ZNF423: variants seen among roughly 807,000 people sequenced by gnomAD.
ZNF423 encodes the protein zinc finger protein 423.
A neutral mutation model predicts 95.8 loss-of-function variants in ZNF423; 12 were observed. The observed-to-expected ratio is 0.13, with a 90% CI of 0.08 to 0.20. ZNF423 has a LOEUF of 0.20. Ranked by LOEUF, ZNF423 falls within the 10% of genes least tolerant of loss-of-function variation. The pLI, the probability that ZNF423 is intolerant of heterozygous loss-of-function variation, is 1.00. For missense variants in ZNF423, 1,316 were observed against 1,737.1 expected (o/e 0.76, Z 4.31); for synonymous variants, 749 against 711.9 (o/e 1.05, Z -0.83).
intron 1 of ZNF423, among the ~76,000 whole-genome samples, chr16:49,815,881 A>AAAATATATAT (rs1185501557): frequency 4.2e-5 from 2 of 47,586 alleles, no homozygotes; most frequent in African/African-American, 9.9e-5. Context: ...AAAAAAAAAA[A>AAAATATATAT]ATATATATAT....
At chr16:49,750,075 T>G (rs2143562590) in intron 2 of ZNF423, among the ~76,000 whole-genome samples, 1 of 152,340 alleles carries the variant, frequency 6.6e-6, no homozygotes, top group Middle Eastern at 3.4e-3. Flanking sequence ...AGCCCATCTC[T>G]GGCTGTCACT....
intron 5 of ZNF423, among the ~76,000 whole-genome samples, chr16:49,580,796 TGCTTCCAACGAGCAGGCA>T (rs1970646359): frequency 6.6e-6 from 1 of 152,108 alleles, no homozygotes; most frequent in Admixed American, 6.5e-5. Context: ...AATAAAATCT[TGCTTCCAACGAGCAGGCA>T]GCGGAGAACG....
At chr16:49,502,790 G>GACAC (rs72202996) in intron 7 of ZNF423, among the ~76,000 whole-genome samples, 4,450 of 135,272 alleles carry the variant, frequency 0.033, 290 homozygotes, top group African/African-American at 0.12. Context: ...AAATACTCTA[G>GACAC]ACACACACAC....
At chr16:49,682,177 G>A (rs1363015327) in intron 3 of ZNF423, among the ~76,000 whole-genome samples, 2 of 151,954 alleles carry the variant, frequency 1.3e-5, no homozygotes, top group Admixed American at 1.3e-4. Context: ...CAGAGGGTCT[G>A]TCCTGCCTTT....
At chr16:49,750,927 G>A (rs1438480016) in intron 2 of ZNF423, among the ~76,000 whole-genome samples, 1 of 152,172 alleles carries the variant, frequency 6.6e-6, no homozygotes, top group Non-Finnish European at 1.5e-5. Flanking sequence ...GAGGCATGGA[G>A]CATCGTGCAC....
intron 5 of ZNF423, among the ~76,000 whole-genome samples, chr16:49,545,069 T>C (rs1031023951): frequency 1.3e-5 from 2 of 152,230 alleles, no homozygotes; most frequent in African/African-American, 4.8e-5. Flanking sequence ...TGAGGTAAAG[T>C]GATTGTCCCA....
At chr16:49,759,533 C>A (rs1482100508) in intron 2 of ZNF423, among the ~76,000 whole-genome samples, 1 of 152,214 alleles carries the variant, frequency 6.6e-6, no homozygotes, top group East Asian at 1.9e-4. Context: ...CCCTAACAGA[C>A]AACCCTGGCG....
In ZNF423 at chr16:49,661,494, T is replaced by C. The variant is rs145443840; in HGVS notation, c.302-22620A>G. On this transcript the variant is annotated intron_variant, in intron 3 of 7. Transcript: ENST00000563137. Reference sequence around the variant, plus strand: ...AACACACAGCCAAGCAGTGCCCTTGTAATTTTTTCAGGAGGAATTCGGGCC... The same window carrying C: ...AACACACAGCCAAGCAGTGCCCTTGCAATTTTTTCAGGAGGAATTCGGGCC... Among the ~76,000 whole-genome samples, 301 of 152,298 alleles carry C rather than the reference T, an allele frequency of 2.0e-3. 5 individuals are homozygous for C. Among genetic ancestry groups the C allele is most frequent in the African/African-American group, 6.9e-3 (288 of 41,568 alleles).
At chr16:49,791,057 C>A (rs1369990119) in intron 1 of ZNF423, among the ~76,000 whole-genome samples, 1 of 152,166 alleles carries the variant, frequency 6.6e-6, no homozygotes, top group Non-Finnish European at 1.5e-5. Context: ...CAAAGCCTCA[C>A]AGAATGGGTT....
intron 2 of ZNF423, among the ~76,000 whole-genome samples, chr16:49,741,344 A>C (rs959191129): frequency 2.9e-4 from 44 of 151,994 alleles, no homozygotes; most frequent in Non-Finnish European, 4.4e-4. Flanking sequence ...AAAATGCCCC[A>C]AAAAAATAAA....
chr16:49,514,708 A>G (rs1968062147), intron 7 of ZNF423, among the ~76,000 whole-genome samples: 1 of 152,184 alleles, frequency 6.6e-6, no homozygotes, highest in Admixed American at 6.5e-5. Context: ...AAACAGCATG[A>G]GCTAATCCTT....
chr16:49,650,749 A>G (rs1022490638), intron 3 of ZNF423, among the ~76,000 whole-genome samples: 3 of 152,224 alleles, frequency 2.0e-5, no homozygotes, highest in Non-Finnish European at 4.4e-5. Context: ...GAGGAAAAAG[A>G]ACAGAGAGGT....
intron 3 of ZNF423, among the ~76,000 whole-genome samples, chr16:49,697,420 C>T (rs1309754410): frequency 6.6e-6 from 1 of 152,048 alleles, no homozygotes; most frequent in African/African-American, 2.4e-5. Flanking sequence ...TGCTAATTAC[C>T]TACCAAGTAG....
intron 1 of ZNF423, among the ~76,000 whole-genome samples, chr16:49,829,749 CTCA>C (rs1361715248): frequency 6.6e-6 from 1 of 152,112 alleles, no homozygotes; most frequent in Non-Finnish European, 1.5e-5. Flanking sequence ...GCTCCATGGG[CTCA>C]TGGAGAAGTT....
intron 2 of ZNF423, among the ~76,000 whole-genome samples, chr16:49,748,481 G>A (rs2033567986): frequency 6.6e-6 from 1 of 152,194 alleles, no homozygotes; most frequent in South Asian, 2.1e-4. Context: ...GGAGGAGCCA[G>A]GTACTGCCTA....
In ZNF423 at chr16:49,855,101, G is replaced by T; in HGVS notation, c.40+634C>A. The T allele has an allele frequency of 4.2e-6, 4 of 955,036 alleles. No homozygotes were observed. Among genetic ancestry groups the T allele is most frequent in the Non-Finnish European group, 5.0e-6 (4 of 802,876 alleles). The allele number at this position is 955,036 out of a possible 1,614,324, so 59.2% of individuals were successfully genotyped here. ...TGGGCCTCGGTGGAGGAGGCAGGAAGTGCAGGGGCCCGGGCCGGGAGAAGG... is the reference window on the plus strand; with the variant it reads ...TGGGCCTCGGTGGAGGAGGCAGGAATTGCAGGGGCCCGGGCCGGGAGAAGG... On this transcript the variant is annotated intron_variant, in intron 1 of 7. Transcript: ENST00000563137. The surrounding 1 kb of genome is among the most constrained non-coding windows in gnomAD (Gnocchi z 4.7).
chr16:49,674,561 C>G (rs149062954), intron 3 of ZNF423, among the ~76,000 whole-genome samples: 1 of 152,240 alleles, frequency 6.6e-6, no homozygotes, highest in South Asian at 2.1e-4. Flanking sequence ...GAGTCCACCC[C>G]CTGCACCACC....
intron 3 of ZNF423, among the ~76,000 whole-genome samples, chr16:49,712,741 TG>T (rs1203395395): frequency 1.3e-5 from 2 of 152,342 alleles, no homozygotes; most frequent in South Asian, 2.1e-4. Flanking sequence ...TCTTATCCTC[TG>T]GGGGTCCCGG....
intron 1 of ZNF423, among the ~76,000 whole-genome samples, chr16:49,852,131 T>C (rs776728704): frequency 2.6e-5 from 4 of 152,008 alleles, no homozygotes; most frequent in Non-Finnish European, 4.4e-5. Context: ...CCCAAGTCCC[T>C]AGACCACCAA....
Sources: gnomAD v4.1 joint callset for allele counts (sites outside exome capture counted in the v4.1 genomes callset) on GRCh38, gnomAD v4.1.1 for gene constraint, Gnocchi (gnomAD v3.1) non-coding constraint, MANE v1.5 for transcripts, NCBI Gene and HGNC (gene_info 2026-07-23, HGNC 2026-07-21) for gene names.